Variants in PROX1 observed in about 807,000 individuals in gnomAD.
The protein encoded by PROX1 is prospero homeobox 1.
PROX1 carries 7 observed loss-of-function variants against 58.8 expected under a neutral mutation model. That is an observed-to-expected ratio of 0.12 (90% CI 0.07 to 0.22). PROX1 has a LOEUF of 0.22. Ranked by LOEUF, PROX1 falls within the 10% of genes least tolerant of loss-of-function variation. The pLI is 1.00. For missense variants in PROX1, 675 were observed against 927.8 expected (o/e 0.73, Z 3.54); for synonymous variants, 350 against 358.3 (o/e 0.98, Z 0.26).
chr1:214,002,171 G>A (rs534817646), intron 2 of PROX1, among the ~76,000 whole-genome samples: 4 of 152,122 alleles, frequency 2.6e-5, no homozygotes, highest in Admixed American at 6.5e-5. Flanking sequence ...TTCTTCCTCC[G>A]CTTTCACAGC....
At chr1:214,033,941 G>A (rs1489438864) in intron 4 of PROX1, among the ~76,000 whole-genome samples, 1 of 152,182 alleles carries the variant, frequency 6.6e-6, no homozygotes, top group Admixed American at 6.5e-5. Flanking sequence ...CCCTTGAGGT[G>A]TATGGGTTTG....
At position 214,040,518 on chromosome 1, in the gene PROX1, A is replaced by C. The variant is rs1450342414; in HGVS notation, c.*4684A>C. 1 of 152,194 alleles carries C rather than the reference A, an allele frequency of 6.6e-6. No individual in the cohort carries two copies. 9.4% of individuals were successfully genotyped at this position (152,194 alleles called of 1,614,324 possible). A position where few individuals can be genotyped will look rare whatever the true frequency, so the allele number is the denominator to read the frequency against. Reference sequence around the variant, plus strand: ...TATTACGACTTCAAATTTAGAACTAAGAAAAAAATGTATTTGGGATTGGTC... The same window carrying C: ...TATTACGACTTCAAATTTAGAACTACGAAAAAAATGTATTTGGGATTGGTC... On this transcript the variant is annotated 3_prime_UTR_variant, in exon 5 of 5. Transcript: ENST00000366958.
intron 3 of PROX1, among the ~76,000 whole-genome samples, chr1:214,006,123 G>A (rs1663701761): frequency 6.6e-6 from 1 of 152,122 alleles, no homozygotes; most frequent in Non-Finnish European, 1.5e-5. Flanking sequence ...TACATTAGCT[G>A]AGATTAGTTT....
Position 213,996,976 on chromosome 1 carries a change from T to C in PROX1, c.441T>C (p.Pro147=). 6.2e-7 allele frequency: 1 copy of C among 1,614,084 alleles called. No individual in the cohort carries two copies. The highest frequency in any genetic ancestry group is 1.1e-5 in the South Asian group (1 of 91,068). Reference sequence around the variant, plus strand: ...AGTGTCTTTCCCCTTTTGGCAGGCCTACTATGAGCCAGTTTGATATGGATC... The same window carrying C: ...AGTGTCTTTCCCCTTTTGGCAGGCCCACTATGAGCCAGTTTGATATGGATC... ...PPECLSPFGR[P]TMSQFDMDRL... Residue 147 remains proline (P), a synonymous_variant, in exon 2 of 5, where the codon CCT becomes CCC. Coordinates refer to ENST00000366958, the MANE Select transcript of PROX1 (RefSeq NM_001270616.2).
rs1168525705 is a variant in PROX1 at position 214,007,925 on chromosome 1, T to C, written c.1833+2653T>C. Among the ~76,000 whole-genome samples the C allele has an allele frequency of 2.0e-5, 3 of 152,356 alleles. No homozygotes were observed. The East Asian group carries it at 5.8e-4, about 29-fold the overall frequency. The stretch of plus-strand genomic sequence containing the variant: ...ATTTATCTGGAACAAGATATATGCA[T>C]GTATCTATGGACCATGTAATGCTTG... On this transcript the variant is annotated intron_variant, in intron 3 of 4. Coordinates refer to ENST00000366958, the MANE Select transcript of PROX1 (RefSeq NM_001270616.2).
At chr1:214,031,768 C>T (rs1187498606) in intron 4 of PROX1, among the ~76,000 whole-genome samples, 1 of 152,124 alleles carries the variant, frequency 6.6e-6, no homozygotes, top group East Asian at 1.9e-4. Flanking sequence ...AGAAAGTACC[C>T]CCTATTATTC....
chr1:214,011,088 A>G (rs536424713), intron 3 of PROX1, among the ~76,000 whole-genome samples: 1 of 152,356 alleles, frequency 6.6e-6, no homozygotes, highest in South Asian at 2.1e-4. Context: ...ACTTAAAAAA[A>G]AAAAGTATAT....
At chr1:214,009,224 A>G (rs1283852946) in intron 3 of PROX1, among the ~76,000 whole-genome samples, 1 of 152,184 alleles carries the variant, frequency 6.6e-6, no homozygotes, top group Non-Finnish European at 1.5e-5. Flanking sequence ...TCTTCAGCCC[A>G]TATTGAGGCT....
chr1:214,016,012 A>AT (rs1203544539), intron 4 of PROX1, among the ~76,000 whole-genome samples: 3 of 152,196 alleles, frequency 2.0e-5, no homozygotes, highest in African/African-American at 7.2e-5. Context: ...TGATTCACTC[A>AT]TTAGTGGCCT....
chr1:213,996,571 G>T lies in PROX1; in HGVS notation c.36G>T (p.Arg12=). The part of the protein sequence containing the change: ...PDHDSTALLS[R]QTKRRRVDIG... The stretch of plus-strand genomic sequence containing the variant: ...ATGACAGCACAGCCCTCTTAAGCCG[G>T]CAAACCAAGAGGAGAAGAGTTGACA... Residue 12 remains arginine, a synonymous_variant, in exon 2 of 5, where the codon CGG becomes CGT. Coordinates refer to ENST00000366958, the MANE Select transcript of PROX1 (RefSeq NM_001270616.2). 1 of 1,614,144 alleles carries T rather than the reference G, an allele frequency of 6.2e-7. No homozygotes were observed. Among genetic ancestry groups the T allele is most frequent in the South Asian group, 1.1e-5 (1 of 91,072 alleles).
At chr1:214,005,328 T>C (rs1663669210) in intron 3 of PROX1, 56 bp downstream of exon 3, 1 of 1,359,510 alleles carries the variant, frequency 7.4e-7, no homozygotes, top group Non-Finnish European at 1.0e-6. Flanking sequence ...GGCAGTAATT[T>C]GAACTCCCGG....
chr1:214,010,005 G>A (rs931132040), intron 3 of PROX1, among the ~76,000 whole-genome samples: 1 of 152,170 alleles, frequency 6.6e-6, no homozygotes, highest in Non-Finnish European at 1.5e-5. Flanking sequence ...TCCAAGTTCA[G>A]CAAATCGTAA....
At chr1:214,008,245 G>A (rs1318675955) in intron 3 of PROX1, among the ~76,000 whole-genome samples, 1 of 151,926 alleles carries the variant, frequency 6.6e-6, no homozygotes, top group African/African-American at 2.4e-5. Flanking sequence ...AGTAGAGACG[G>A]GGTTTCACCA....
intron 2 of PROX1, among the ~76,000 whole-genome samples, chr1:213,998,465 A>T (rs907604764): frequency 2.6e-5 from 4 of 152,220 alleles, no homozygotes; most frequent in African/African-American, 9.7e-5. Flanking sequence ...ACATCTTTGC[A>T]GCTTCCACAA....
At chr1:214,009,281 A>C (rs1663825678) in intron 3 of PROX1, among the ~76,000 whole-genome samples, 1 of 152,224 alleles carries the variant, frequency 6.6e-6, no homozygotes, top group Non-Finnish European at 1.5e-5. Context: ...AGACTCGTAC[A>C]CTGTGGAAAC....
At chr1:213,983,336 AC>A (rs1328913059), upstream of PROX1, 1 of 152,384 alleles carries the variant, frequency 6.6e-6, no homozygotes, top group East Asian at 1.9e-4. Context: ...ACACAGGCAC[AC>A]CAGGAGGGAC....
intron 2 of PROX1, among the ~76,000 whole-genome samples, chr1:214,000,061 CACACAG>C (rs1159155755): frequency 7.1e-6 from 1 of 140,592 alleles, no homozygotes; most frequent in Non-Finnish European, 1.6e-5. Context: ...CACACACACA[CACACAG>C]ACACACACAC....
In PROX1 at chr1:214,040,269, T is replaced by A. The variant is rs1342058779; in HGVS notation, c.*4435T>A. 1 of 152,204 alleles carries A rather than the reference T, an allele frequency of 6.6e-6. No individual in the cohort carries two copies. The highest frequency in any genetic ancestry group is 2.4e-5 in the African/African-American group (1 of 41,456). 9.4% of individuals were successfully genotyped at this position (152,204 alleles called of 1,614,324 possible). On this transcript the variant is annotated 3_prime_UTR_variant, in exon 5 of 5. Coordinates refer to ENST00000366958, the MANE Select transcript of PROX1 (RefSeq NM_001270616.2). Reference sequence around the variant, plus strand: ...TCAAAACTGGTATTTAACCTTTGCATCTTCTTATAATTATCCTTCTAAGAA... The same window carrying A: ...TCAAAACTGGTATTTAACCTTTGCAACTTCTTATAATTATCCTTCTAAGAA...
rs1292911945 is a variant in PROX1, at chr1:214,038,669, AAATACCAGTT to A, written c.*2836_*2845del. ...GGGGGGGATTTTAAAAAATCCTTCA[AAATACCAGTT>A]TTTTCCCAACAAGTACAATTGTTCT... On this transcript the variant is annotated 3_prime_UTR_variant, in exon 5 of 5. Coordinates refer to ENST00000366958, the MANE Select transcript of PROX1 (RefSeq NM_001270616.2). 1 of 152,162 alleles carries A rather than the reference AAATACCAGTT, an allele frequency of 6.6e-6. No individual in the cohort carries two copies. Among genetic ancestry groups the A allele is most frequent in the African/African-American group, 2.4e-5 (1 of 41,426 alleles). 9.4% of individuals were successfully genotyped at this position (152,162 alleles called of 1,614,324 possible). A position where few individuals can be genotyped will look rare whatever the true frequency, so the allele number is the denominator to read the frequency against.
Sources: allele counts gnomAD v4.1 joint callset (sites outside exome capture counted in the v4.1 genomes callset), GRCh38; gene constraint gnomAD v4.1.1; transcripts MANE v1.5; gene names NCBI Gene and HGNC (gene_info 2026-07-23, HGNC 2026-07-21).